The following TTLL11 variants were observed in gnomAD, a reference collection of about 807,000 sequenced individuals.
The protein encoded by TTLL11 is tubulin tyrosine ligase like 11, also known as tubulin polyglutamylase TTLL11.
TTLL11 carries 42 observed loss-of-function variants against 51.7 expected under a neutral mutation model. The ratio of observed to expected loss-of-function variants is 0.81; its 90% CI spans 0.64 to 1.05. The LOEUF is 1.05. Among genes scored for constraint, TTLL11 ranks in the 50% least tolerant of loss-of-function variants. The probability of loss-of-function intolerance (pLI) is 0.00; values close to 1 mark genes in which losing one functional copy is unlikely to be tolerated. For synonymous variants in TTLL11, 381 were observed against 383.5 expected (o/e 0.99, Z 0.08); for missense variants, 799 against 940.4 (o/e 0.85, Z 1.97).
chr9:121,969,634 C>T (rs926079891), intron 6 of TTLL11, among the ~76,000 whole-genome samples: 2 of 152,182 alleles, frequency 1.3e-5, no homozygotes, highest in Non-Finnish European at 2.9e-5. Flanking sequence ...ACAGAAACTT[C>T]AGATCCTCTT....
At chr9:121,824,634 G>C (rs764215941) in intron 8 of TTLL11, among the ~76,000 whole-genome samples, 25 of 151,830 alleles carry the variant, frequency 1.6e-4, no homozygotes, top group Non-Finnish European at 3.2e-4. Flanking sequence ...AGTTTCAACT[G>C]CCTGAAAGGG....
At chr9:121,935,997 C>CAGTCTCTT (rs1841199088) in intron 6 of TTLL11, among the ~76,000 whole-genome samples, 1 of 152,186 alleles carries the variant, frequency 6.6e-6, no homozygotes, top group African/African-American at 2.4e-5. Flanking sequence ...CTACGTAACC[C>CAGTCTCTT]AGTCTCTTAG....
chr9:122,048,460 C>A (rs574544406), intron 1 of TTLL11, among the ~76,000 whole-genome samples: 3 of 152,188 alleles, frequency 2.0e-5, no homozygotes, highest in South Asian at 4.1e-4. Flanking sequence ...AGGCACTGAA[C>A]CCAGCCCAGA....
chr9:122,058,325 G>A (rs1338191685), intron 1 of TTLL11, among the ~76,000 whole-genome samples: 4 of 152,262 alleles, frequency 2.6e-5, no homozygotes, highest in East Asian at 1.9e-4. Flanking sequence ...ACGGGGCTTT[G>A]CAATAGACAG....
At chr9:122,034,056 G>T (rs993567520) in intron 2 of TTLL11, among the ~76,000 whole-genome samples, 1 of 152,180 alleles carries the variant, frequency 6.6e-6, no homozygotes, top group African/African-American at 2.4e-5. Context: ...AAATGTTACC[G>T]TATTGAACTG....
At chr9:122,062,058 A>C (rs1845449656) in intron 1 of TTLL11, among the ~76,000 whole-genome samples, 1 of 152,200 alleles carries the variant, frequency 6.6e-6, no homozygotes, top group Non-Finnish European at 1.5e-5. Context: ...CTGGATGTTA[A>C]AATACTCACC....
At chr9:121,936,601 A>G (rs16911130) in intron 6 of TTLL11, among the ~76,000 whole-genome samples, 13 of 152,246 alleles carry the variant, frequency 8.5e-5, no homozygotes, top group African/African-American at 2.2e-4. Context: ...CTTGATGTCA[A>G]CCTGTCCTTA....
intron 6 of TTLL11, among the ~76,000 whole-genome samples, chr9:121,903,380 C>T (rs572384342): frequency 2.6e-5 from 4 of 152,238 alleles, no homozygotes; most frequent in Admixed American, 2.6e-4. Context: ...AAATCTTTGG[C>T]AGTCCCCAGG....
chr9:121,972,978 C>A (rs1010748707), intron 6 of TTLL11, among the ~76,000 whole-genome samples: 1 of 152,170 alleles, frequency 6.6e-6, no homozygotes, highest in African/African-American at 2.4e-5. Flanking sequence ...TATTTGTCTG[C>A]GCTCATTAGG....
intron 6 of TTLL11, among the ~76,000 whole-genome samples, chr9:121,961,616 C>G (rs1842226329): frequency 6.6e-6 from 1 of 152,206 alleles, no homozygotes; most frequent in Non-Finnish European, 1.5e-5. Flanking sequence ...CGACACCATT[C>G]TCATTGCACA....
intron 6 of TTLL11, among the ~76,000 whole-genome samples, chr9:121,951,273 T>A (rs2416847): frequency 0.69 from 105,167 of 152,070 alleles, 37,002 homozygotes; most frequent in Non-Finnish European, 0.77. Flanking sequence ...TTAATTTAAT[T>A]TCTTCTTTCC....
At chr9:122,083,101 A>G (rs923461568) in intron 1 of TTLL11, among the ~76,000 whole-genome samples, 1 of 152,140 alleles carries the variant, frequency 6.6e-6, no homozygotes, top group Non-Finnish European at 1.5e-5. Context: ...TCTACATATG[A>G]TATCATGATG....
At chr9:122,027,822 T>C (rs1444620611) in intron 3 of TTLL11, among the ~76,000 whole-genome samples, 1 of 152,164 alleles carries the variant, frequency 6.6e-6, no homozygotes, top group African/African-American at 2.4e-5. Flanking sequence ...TTCAAAGGAA[T>C]GAAGAATGCT....
intron 8 of TTLL11, among the ~76,000 whole-genome samples, chr9:121,824,659 A>C (rs1008251921): frequency 9.2e-5 from 14 of 152,012 alleles, no homozygotes; most frequent in African/African-American, 2.9e-4. Flanking sequence ...AGTCTTCCCA[A>C]TGTCCAAGTA....
chr9:121,949,189 A>G (rs544759318), intron 6 of TTLL11, among the ~76,000 whole-genome samples: 2 of 152,224 alleles, frequency 1.3e-5, no homozygotes, highest in South Asian at 2.1e-4. Context: ...GTTAACAGCA[A>G]TTAACATAGT....
intron 6 of TTLL11, among the ~76,000 whole-genome samples, chr9:121,897,936 T>TTTTTTTTTTTTA (rs1839604329): frequency 6.6e-6 from 1 of 151,484 alleles, no homozygotes. Flanking sequence ...TTTTTTTTTT[T>TTTTTTTTTTTTA]GAGATGGAGC....
chr9:121,953,649 AAAAAAG>A (rs750544153), intron 6 of TTLL11, among the ~76,000 whole-genome samples: 6,681 of 90,076 alleles, frequency 0.074, 130 homozygotes, highest in African/African-American at 0.1. Flanking sequence ...AAAAAAAAAA[AAAAAAG>A]AAGAAGATTA....
intron 6 of TTLL11, among the ~76,000 whole-genome samples, chr9:121,915,016 T>C (rs1298543236): frequency 6.6e-6 from 1 of 152,132 alleles, no homozygotes; most frequent in African/African-American, 2.4e-5. Context: ...GTCAGGAACA[T>C]ATGCCATTTC....
At chr9:121,978,702 A>C (rs1842768202) in intron 4 of TTLL11, among the ~76,000 whole-genome samples, 1 of 152,114 alleles carries the variant, frequency 6.6e-6, no homozygotes, top group Non-Finnish European at 1.5e-5. Context: ...TCTGTCCTTC[A>C]TTCCCGACCT....
Sources: gnomAD v4.1 joint callset for allele counts (sites outside exome capture counted in the v4.1 genomes callset) on GRCh38, gnomAD v4.1.1 for gene constraint, MANE v1.5 for transcripts, NCBI Gene and HGNC (gene_info 2026-07-23, HGNC 2026-07-21) for gene names.